ZNF519: variants seen among roughly 807,000 people sequenced by gnomAD.
The protein encoded by ZNF519 is similar to Zinc finger protein 85 (Zinc finger protein HPF4) (HTF1).
A neutral mutation model predicts 7.4 loss-of-function variants in ZNF519; 7 were observed. That is an observed-to-expected ratio of 0.94 (90% CI 0.54 to 1.77). The LOEUF is 1.77. Ranked by LOEUF, ZNF519 falls within the 40% of genes most tolerant of loss-of-function variation. ZNF519 has a pLI of 0.00. For missense variants in ZNF519, 586 were observed against 623.1 expected (o/e 0.94, Z 0.63); for synonymous variants, 179 against 203.3 (o/e 0.88, Z 1.02).
downstream of ZNF519, among the ~76,000 whole-genome samples, chr18:14,095,120 G>A (rs555809970): frequency 9.9e-5 from 15 of 152,132 alleles, no homozygotes; most frequent in Non-Finnish European, 1.8e-4. Context: ...TCGTGTATTG[G>A]AGAATTCCAT....
chr18:14,108,191 G>A (rs1188840918), intron 2 of ZNF519, among the ~76,000 whole-genome samples: 1 of 152,146 alleles, frequency 6.6e-6, no homozygotes, highest in African/African-American at 2.4e-5. Context: ...AGTGACAGAA[G>A]ACAAACTCCT....
intron 2 of ZNF519, among the ~76,000 whole-genome samples, chr18:14,117,338 T>G (rs2046250906): frequency 6.6e-6 from 1 of 152,186 alleles, no homozygotes; most frequent in Admixed American, 6.5e-5. Context: ...ACATTTCTAG[T>G]CTTTAGAAAA....
At chr18:14,088,956 A>AT (rs147143688) in intron 2 of ZNF519, among the ~76,000 whole-genome samples, 2 of 151,634 alleles carry the variant, frequency 1.3e-5, no homozygotes, top group African/African-American at 2.4e-5. Flanking sequence ...TGTTTTTGGA[A>AT]TTTTTTTTTA....
At chr18:14,076,255 T>C (rs1026477798) in exon 5 of ZNF519, 1 of 152,216 alleles carries the variant, frequency 6.6e-6, no homozygotes, top group African/African-American at 2.4e-5. Context: ...TTATAAAATA[T>C]GATTGTGGTA....
Position 14,103,771 on chromosome 18 carries a change from A to G in ZNF519, c.*1146T>C, listed in dbSNP as rs571453884. The G allele has an allele frequency of 6.6e-6, 1 of 152,170 alleles. No individual in the cohort carries two copies. The highest frequency in any genetic ancestry group is 1.5e-5 in the Non-Finnish European group (1 of 67,980). 9.4% of individuals were successfully genotyped at this position (152,170 alleles called of 1,614,324 possible). On this transcript the variant is annotated 3_prime_UTR_variant, in exon 3 of 3. Transcript: ENST00000590202. ...GCATGAACTAGACATACCCGATAGTATATCATTACCATTTACTACCTGGAA... is the reference window on the plus strand; with the variant it reads ...GCATGAACTAGACATACCCGATAGTGTATCATTACCATTTACTACCTGGAA...
chr18:14,071,310 T>C (rs1343422383), downstream of ZNF519: 1 of 152,102 alleles, frequency 6.6e-6, no homozygotes, highest in East Asian at 1.9e-4. Context: ...GCATAATTCA[T>C]CACAATTAAT....
intron 2 of ZNF519, among the ~76,000 whole-genome samples, chr18:14,121,084 GA>G (rs2046267821): frequency 6.6e-6 from 1 of 152,014 alleles, no homozygotes; most frequent in South Asian, 2.1e-4. Context: ...GGCAAACACA[GA>G]AAGACAAACT....
In ZNF519 at chr18:14,100,900, T is replaced by C. The variant is rs1173228084; in HGVS notation, c.*4017A>G. 2.0e-5 allele frequency: 3 copies of C among 152,232 alleles called. No homozygotes were observed. The highest frequency in any genetic ancestry group is 7.2e-5 in the African/African-American group (3 of 41,458). The allele number at this position is 152,232 out of a possible 1,614,324, so 9.4% of individuals were successfully genotyped here. A position where few individuals can be genotyped will look rare whatever the true frequency, so the allele number is the denominator to read the frequency against. ...TACTATAGTTTTCTAGAGTTTTAAA[T>C]AGTTTTATAATATGAATAACCAATC... is the stretch of plus-strand genomic sequence containing the variant. On this transcript the variant is annotated 3_prime_UTR_variant, in exon 3 of 3. Coordinates refer to ENST00000590202, the MANE Select transcript of ZNF519 (RefSeq NM_145287.4).
intron 1 of ZNF519, among the ~76,000 whole-genome samples, chr18:14,126,855 G>A (rs2046301609): frequency 1.3e-5 from 2 of 152,140 alleles, no homozygotes; most frequent in African/African-American, 4.8e-5. Flanking sequence ...ATTTGCACAG[G>A]ACATCCTCAA....
chr18:14,125,117 C>T (rs1396793429), intron 1 of ZNF519, among the ~76,000 whole-genome samples: 1 of 152,210 alleles, frequency 6.6e-6, no homozygotes, highest in African/African-American at 2.4e-5. Flanking sequence ...TAGTACCACT[C>T]AGCTAGAGAA....
At chr18:14,076,310 CT>C (rs1441824926) in exon 5 of ZNF519, 1 of 152,100 alleles carries the variant, frequency 6.6e-6, no homozygotes, top group Non-Finnish European at 1.5e-5. Context: ...GCAAATATCA[CT>C]TATGATTCAG....
intron 2 of ZNF519, 137 bp downstream of exon 2, chr18:14,124,213 G>C (rs1598522965): frequency 1.3e-6 from 1 of 770,818 alleles, no homozygotes. Context: ...TTTTACACTA[G>C]CAAACTCCCA....
intron 2 of ZNF519, among the ~76,000 whole-genome samples, chr18:14,121,052 G>A (rs2046267554): frequency 6.6e-6 from 1 of 151,962 alleles, no homozygotes; most frequent in Non-Finnish European, 1.5e-5. Context: ...ACACCTGGAG[G>A]ACATTATGCT....
At chr18:14,075,856 T>A (rs2046045573), downstream of ZNF519, 1 of 152,128 alleles carries the variant, frequency 6.6e-6, no homozygotes, top group South Asian at 2.1e-4. Flanking sequence ...CCACAGACCA[T>A]TGTTTTCAAC....
At chr18:14,083,069 G>T (rs2046076333) in intron 3 of ZNF519, among the ~76,000 whole-genome samples, 5 of 152,182 alleles carry the variant, frequency 3.3e-5, no homozygotes, top group Admixed American at 3.3e-4. Context: ...AAAAGACCCG[G>T]TCAGGTGCAG....
At chr18:14,106,978 T>C (rs190244115) in intron 2 of ZNF519, among the ~76,000 whole-genome samples, 1 of 129,282 alleles carries the variant, frequency 7.7e-6, no homozygotes, top group Non-Finnish European at 1.6e-5. Context: ...CTCATCGACA[T>C]AGTCTAAAAT....
At chr18:14,098,720 T>C (rs2046147659), downstream of ZNF519, among the ~76,000 whole-genome samples, 1 of 152,144 alleles carries the variant, frequency 6.6e-6, no homozygotes, top group Non-Finnish European at 1.5e-5. Flanking sequence ...ATTTTCCTGG[T>C]TCACAAGGTT....
intron 2 of ZNF519, among the ~76,000 whole-genome samples, chr18:14,121,109 T>C (rs1291388249): frequency 2.0e-5 from 3 of 152,112 alleles, no homozygotes; most frequent in Non-Finnish European, 4.4e-5. Context: ...TGTTCTCAAT[T>C]AGATGGGGAA....
At chr18:14,097,262 GA>G (rs2046140702), downstream of ZNF519, among the ~76,000 whole-genome samples, 1 of 152,104 alleles carries the variant, frequency 6.6e-6, no homozygotes, top group Non-Finnish European at 1.5e-5. Context: ...TGATTTGTTG[GA>G]AAAACTGCTT....
Sources: allele counts gnomAD v4.1 joint callset (sites outside exome capture counted in the v4.1 genomes callset), GRCh38; gene constraint gnomAD v4.1.1; transcripts MANE v1.5; gene names NCBI Gene and HGNC (gene_info 2026-07-23, HGNC 2026-07-21).